KIF5C: variants seen among roughly 807,000 people sequenced by gnomAD.
The protein encoded by KIF5C is kinesin heavy chain isoform 5C.
Under a neutral mutation model 125.2 loss-of-function variants are expected in KIF5C, and 18 were observed. The observed-to-expected ratio is 0.14, with a 90% CI of 0.10 to 0.21. The LOEUF (loss-of-function observed/expected upper bound fraction) is 0.21, where lower values mean the gene tolerates loss of function less well. Ranked by LOEUF, KIF5C falls within the 10% of genes least tolerant of loss-of-function variation. KIF5C has a pLI of 1.00. For synonymous variants in KIF5C, 405 were observed against 434.0 expected (o/e 0.93, Z 0.83); for missense variants, 780 against 1,183.8 (o/e 0.66, Z 5.01).
chr2:148,877,488 C>T (rs1374489059), intron 1 of KIF5C: 1 of 152,222 alleles, frequency 6.6e-6, no homozygotes, highest in East Asian at 1.9e-4. Flanking sequence ...GTACCTGGGG[C>T]AGTTAGTGAC....
At chr2:148,941,696 A>G (rs780725818) in intron 5 of KIF5C, 38 bp downstream of exon 5, 27 of 1,547,816 alleles carry the variant, frequency 1.7e-5, no homozygotes, top group Non-Finnish European at 2.0e-5. Flanking sequence ...TTTGTTCTGT[A>G]ACGAAAGTCC....
At chr2:148,983,247 C>A (rs776521929) in intron 14 of KIF5C, among the ~76,000 whole-genome samples, 1 of 152,066 alleles carries the variant, frequency 6.6e-6, no homozygotes, top group Non-Finnish European at 1.5e-5. Flanking sequence ...AGGTGGGGAC[C>A]CTTGCAGGTA....
chr2:148,922,062 T>C, intron 1 of KIF5C, 75 bp from the exon 2 acceptor site: 1 of 969,130 alleles, frequency 1.0e-6, no homozygotes, highest in Non-Finnish European at 1.6e-6. Flanking sequence ...TAGCTACTAA[T>C]GTTTGCGATT....
At chr2:148,899,106 A>G (rs1680782018) in intron 1 of KIF5C, among the ~76,000 whole-genome samples, 1 of 152,200 alleles carries the variant, frequency 6.6e-6, no homozygotes, top group South Asian at 2.1e-4. Context: ...CTTGCTATAT[A>G]GAATATTAAT....
rs768170361 is a variant in KIF5C, at chr2:149,005,418, A to G, written c.2399A>G (p.Asn800Ser). 8 of 1,613,856 alleles carry G rather than the reference A, an allele frequency of 5.0e-6. No homozygotes were observed. Among genetic ancestry groups the G allele is most frequent in the Admixed American group, 3.3e-5 (2 of 60,010 alleles). The change falls in exon 22 of 26, where the codon AAC (asparagine) becomes AGC (serine). Residue 800 changes from asparagine to serine, a missense_variant. Asn to Ser is a conservative substitution (Grantham distance 46). Transcript: ENST00000435030. ...TVSRELQTLH[N>S]LRKLFVQDLT... is the part of the protein sequence containing the mutation. ...TCTAGAGAATTGCAGACACTGCACA[A>G]CCTTCGGAAACTCTTTGTCCAGGAT...
intron 1 of KIF5C, among the ~76,000 whole-genome samples, chr2:148,908,516 G>A (rs1681203689): frequency 6.6e-6 from 1 of 152,160 alleles, no homozygotes; most frequent in Admixed American, 6.5e-5. Context: ...TAGTAGGAGA[G>A]GGGTTATGGA....
At chr2:148,972,664 C>A (rs1330959686) in intron 11 of KIF5C, among the ~76,000 whole-genome samples, 1 of 152,322 alleles carries the variant, frequency 6.6e-6, no homozygotes, top group South Asian at 2.1e-4. Context: ...AGATTGGCTG[C>A]TTTTCTTTCC....
intron 3 of KIF5C, among the ~76,000 whole-genome samples, chr2:148,929,736 A>G (rs1682127826): frequency 6.6e-6 from 1 of 152,098 alleles, no homozygotes; most frequent in African/African-American, 2.4e-5. Flanking sequence ...TAAATAAAAA[A>G]CTGTAGGTCA....
chr2:148,878,543 A>G (rs778710810), intron 1 of KIF5C: 6 of 152,258 alleles, frequency 3.9e-5, no homozygotes, highest in Non-Finnish European at 5.9e-5. Context: ...GTGCATGTAC[A>G]GAATAGAAGA....
At chr2:148,883,661 TACTAA>T in intron 1 of KIF5C, 1 of 152,322 alleles carries the variant, frequency 6.6e-6, no homozygotes. Flanking sequence ...TAGTATAGTA[TACTAA>T]ACTAAATGCT....
intron 21 of KIF5C, among the ~76,000 whole-genome samples, chr2:149,001,444 A>G (rs1244391432): frequency 6.6e-6 from 1 of 152,098 alleles, no homozygotes; most frequent in Non-Finnish European, 1.5e-5. Context: ...GCTGCAGCTG[A>G]GGGAAGGACA....
chr2:148,929,076 A>G (rs1261085999), intron 2 of KIF5C, among the ~76,000 whole-genome samples: 1 of 152,170 alleles, frequency 6.6e-6, no homozygotes, highest in Non-Finnish European at 1.5e-5. Context: ...CTTCTTCATT[A>G]ATGTATTCTG....
intron 12 of KIF5C, among the ~76,000 whole-genome samples, chr2:148,974,407 A>C (rs1173305917): frequency 6.6e-6 from 1 of 152,092 alleles, no homozygotes; most frequent in East Asian, 1.9e-4. Context: ...TCTCTCTTTG[A>C]GGTAAAGCTC....
At chr2:148,893,554 A>G (rs1033912895) in intron 1 of KIF5C, among the ~76,000 whole-genome samples, 1 of 152,114 alleles carries the variant, frequency 6.6e-6, no homozygotes, top group Non-Finnish European at 1.5e-5. Flanking sequence ...ATTCCCATCT[A>G]TCTGTGGCTG....
At chr2:148,953,497 C>A (rs141584628) in intron 10 of KIF5C, among the ~76,000 whole-genome samples, 1 of 152,288 alleles carries the variant, frequency 6.6e-6, no homozygotes, top group African/African-American at 2.4e-5. Flanking sequence ...ATACAGCAGA[C>A]ACAAGACTGA....
At chr2:148,892,360 A>G (rs1681729360) in intron 1 of KIF5C, among the ~76,000 whole-genome samples, 1 of 152,234 alleles carries the variant, frequency 6.6e-6, no homozygotes, top group Non-Finnish European at 1.5e-5. Flanking sequence ...TCTTTGAATC[A>G]GCAATCCTGC....
rs138002553 is a variant in KIF5C, at chr2:148,972,662, T to C, written c.1118-674T>C. ...TCTCTGCAAGATAGTCTAGATTGGC[T>C]GCTTTTCTTTCCTAAGACTACCTGA... On this transcript the variant is annotated intron_variant, in intron 11 of 25. Transcript: ENST00000435030. Among the ~76,000 whole-genome samples, 1,037 of 152,360 alleles carry C rather than the reference T, an allele frequency of 6.8e-3. 17 individuals are homozygous for C. Among genetic ancestry groups the C allele is most frequent in the Middle Eastern group, 0.065 (19 of 294 alleles).
chr2:148,944,988 A>G (rs1417127646), intron 7 of KIF5C, among the ~76,000 whole-genome samples: 1 of 152,044 alleles, frequency 6.6e-6, no homozygotes, highest in Non-Finnish European at 1.5e-5. Context: ...TTTATTTTTT[A>G]ATCAGGTTAA....
At chr2:148,888,092 C>T (rs1050435545) in intron 1 of KIF5C, among the ~76,000 whole-genome samples, 1 of 152,188 alleles carries the variant, frequency 6.6e-6, no homozygotes, top group Non-Finnish European at 1.5e-5. Context: ...CCCCCAGAGG[C>T]GACACGGGCG....
Sources: gnomAD v4.1 joint callset for allele counts (sites outside exome capture counted in the v4.1 genomes callset) on GRCh38, gnomAD v4.1.1 for gene constraint, MANE v1.5 for transcripts, NCBI Gene and HGNC (gene_info 2026-07-23, HGNC 2026-07-21) for gene names.